The following NAB1 variants were observed in gnomAD, a reference collection of about 807,000 sequenced individuals.
The protein encoded by NAB1 is NGFI-A binding protein 1.
Under a neutral mutation model 49.9 loss-of-function variants are expected in NAB1, and 25 were observed. The ratio of observed to expected loss-of-function variants is 0.50; its 90% CI spans 0.37 to 0.70. The LOEUF is 0.70. NAB1 is among the 30% of genes least tolerant of loss of function. The pLI, the probability that NAB1 is intolerant of heterozygous loss-of-function variation, is 0.00. For synonymous variants in NAB1, 198 were observed against 215.6 expected (o/e 0.92, Z 0.71); for missense variants, 489 against 575.9 (o/e 0.85, Z 1.54).
At chr2:190,653,700 A>G (rs1260635126) in intron 2 of NAB1, 1 of 152,224 alleles carries the variant, frequency 6.6e-6, no homozygotes, top group Non-Finnish European at 1.5e-5. Flanking sequence ...ATATTTGATG[A>G]TAACTTACAC....
In NAB1 at chr2:190,677,878, G is replaced by GA. The variant is rs377097018; in HGVS notation, c.1005+4733dup. On this transcript the variant is annotated intron_variant, in intron 6 of 9. Transcript: ENST00000337386. The surrounding 1 kb of genome is among the most constrained non-coding windows in gnomAD (Gnocchi z 5.6). ...ATTATTCACAAAGCATCTTACCTGT[G>GA]AAAAAAACACTATTGGGGTTATACC... Among the ~76,000 whole-genome samples, 4 of 152,032 alleles carry GA rather than the reference G, an allele frequency of 2.6e-5. No individual in the cohort carries two copies. The highest frequency in any genetic ancestry group is 9.7e-5 in the African/African-American group (4 of 41,388).
intron 4 of NAB1, among the ~76,000 whole-genome samples, chr2:190,662,085 G>C (rs145918623): frequency 6.9e-4 from 105 of 152,212 alleles, no homozygotes; most frequent in African/African-American, 2.4e-3. Context: ...TTCCACATAA[G>C]GAATACATGA....
rs200990302 is a variant in NAB1, at chr2:190,673,108, T to C, written c.961T>C (p.Cys321Arg). The change falls in exon 6 of 10, where the codon TGT becomes CGT. Residue 321 changes from cysteine (C) to arginine (R), a missense_variant. By Grantham distance (180) the Cys-to-Arg change is radical. Around this residue, in one of 4 missense-constraint regions of NAB1, gnomAD observed 212 missense variants for 199.3 expected, o/e 1.06. Transcript: ENST00000337386. Reference sequence around the variant, plus strand: ...CTCTCCCCTTTCCCTTAGGTCAAAATGTGGAGAAAGAGATGAATTATCCCC... The same window carrying C: ...CTCTCCCCTTTCCCTTAGGTCAAAACGTGGAGAAAGAGATGAATTATCCCC... ...KYTYRTTKSK[C>R]GERDELSPKR... 1.9e-5 allele frequency: 30 copies of C among 1,606,918 alleles called. No individual in the cohort carries two copies. In the East Asian group the frequency reaches 3.8e-4, roughly 20 times the overall value.
chr2:190,671,579 T>G (rs1426786927), intron 5 of NAB1, among the ~76,000 whole-genome samples: 1 of 152,068 alleles, frequency 6.6e-6, no homozygotes. Context: ...TTCTGAGTAC[T>G]TTATTTAAAT....
chr2:190,688,940 G>A (rs1019699497), intron 9 of NAB1, among the ~76,000 whole-genome samples: 34 of 151,764 alleles, frequency 2.2e-4, no homozygotes, highest in Admixed American at 1.4e-3. Flanking sequence ...CCGGGTTTAC[G>A]CCATTCTCCT....
In NAB1 at chr2:190,689,940, T is replaced by C. The variant is rs934896086; in HGVS notation, c.1376-305T>C. Reference sequence around the variant, plus strand: ...TAACTTTCGTGCCACTTTATGTAGATACTATTCCTATTTTATAAATGAAGA... The same window carrying C: ...TAACTTTCGTGCCACTTTATGTAGACACTATTCCTATTTTATAAATGAAGA... On this transcript the variant is annotated intron_variant, in intron 9 of 9. Transcript: ENST00000337386. This position sits in a 1 kb window ranked among gnomAD's most constrained non-coding sequence, Gnocchi z 4.3. 8.4e-6 allele frequency among the ~76,000 whole-genome samples: 1 copy of C among 118,842 alleles called. No individual in the cohort carries two copies. Among genetic ancestry groups the C allele is most frequent in the Non-Finnish European group, 1.8e-5 (1 of 56,444 alleles). 78.0% of individuals were successfully genotyped at this position (118,842 alleles called of 152,430 possible).
rs911430982 is a variant in NAB1, at chr2:190,651,478, A to G, written c.-197+1496A>G. Among the ~76,000 whole-genome samples the G allele has an allele frequency of 2.6e-5, 4 of 152,194 alleles. No homozygotes were observed. The highest frequency in any genetic ancestry group is 5.9e-5 in the Non-Finnish European group (4 of 68,026). On this transcript the variant is annotated intron_variant, in intron 2 of 9. Transcript: ENST00000337386. The surrounding 1 kb of genome is among the most constrained non-coding windows in gnomAD (Gnocchi z 4.3). ...AAGAAGAAATTATAAACTGGGGGAC[A>G]TCTTTGATGAATTTGTTAATGAACT...
Position 190,685,541 on chromosome 2 carries a change from G to C in NAB1, c.1161G>C (p.Leu387=). The stretch of plus-strand genomic sequence containing the variant: ...GCAACCAAGCTGGCTATGAGAGACT[G>C]CAGCATGCCGAGAGGAGGTTGTCTG... ...FLCNQAGYER[L]QHAERRLSAG... is the part of the protein sequence containing the mutation. Residue 387 remains leucine (L), a synonymous_variant, in exon 8 of 10, where the codon CTG becomes CTC. Transcript: ENST00000337386. The surrounding 1 kb of genome is among the most constrained non-coding windows in gnomAD (Gnocchi z 4.5). 6.2e-7 allele frequency: 1 copy of C among 1,614,072 alleles called. No individual in the cohort carries two copies. Among genetic ancestry groups the C allele is most frequent in the African/African-American group, 1.3e-5 (1 of 75,064 alleles).
In NAB1 at chr2:190,657,375, G is replaced by C. The variant is rs1230357235; in HGVS notation, c.-20+1222G>C. On this transcript the variant is annotated intron_variant, in intron 3 of 9. Coordinates refer to ENST00000337386, the MANE Select transcript of NAB1 (RefSeq NM_005966.4). This position sits in a 1 kb window ranked among gnomAD's most constrained non-coding sequence, Gnocchi z 4.4. ...CTAAAGAATTACCTGGGTCATCACA[G>C]TACCTGTAGGAGTTTGTGGTGCCCG... Among the ~76,000 whole-genome samples, 3 of 152,200 alleles carry C rather than the reference G, an allele frequency of 2.0e-5. No individual in the cohort carries two copies. Among genetic ancestry groups the C allele is most frequent in the Non-Finnish European group, 4.4e-5 (3 of 68,020 alleles).
rs1695908233 is a variant in NAB1, at chr2:190,690,748, G to A, written c.*415G>A. On this transcript the variant is annotated 3_prime_UTR_variant, in exon 10 of 10. Coordinates refer to ENST00000337386, the MANE Select transcript of NAB1 (RefSeq NM_005966.4). ...TGAAATTTTGTTGTCTACTTTGTGT[G>A]TTTAACGTAAATATATGTCAGAGTT... 1 of 154,712 alleles carries A rather than the reference G, an allele frequency of 6.5e-6. No homozygotes were observed. The highest frequency in any genetic ancestry group is 6.4e-5 in the Admixed American group (1 of 15,552). 9.6% of individuals were successfully genotyped at this position (154,712 alleles called of 1,614,324 possible).
intron 4 of NAB1, among the ~76,000 whole-genome samples, chr2:190,668,574 T>C (rs4853726): frequency 0.19 from 29,026 of 152,018 alleles, 3,299 homozygotes; most frequent in East Asian, 0.41. Context: ...CATATGTAAC[T>C]GAAAAAAGTA....
At position 190,676,736 on chromosome 2, in the gene NAB1, CA is replaced by C. The variant is rs1430587750; in HGVS notation, c.1005+3585del. Among the ~76,000 whole-genome samples the C allele has an allele frequency of 6.6e-6, 1 of 152,126 alleles. No individual in the cohort carries two copies. Among genetic ancestry groups the C allele is most frequent in the Non-Finnish European group, 1.5e-5 (1 of 68,030 alleles). On this transcript the variant is annotated intron_variant, in intron 6 of 9. Transcript: ENST00000337386. This position sits in a 1 kb window ranked among gnomAD's most constrained non-coding sequence, Gnocchi z 4.6. ...CGTACAAATAAACTTAAGCTTAGCC[CA>C]TTTTATAGTGTAACAGATTTCTAAT...
In NAB1 at chr2:190,689,529, G is replaced by C. The variant is rs1298815493; in HGVS notation, c.1376-716G>C. On this transcript the variant is annotated intron_variant, in intron 9 of 9. Transcript: ENST00000337386. This position sits in a 1 kb window ranked among gnomAD's most constrained non-coding sequence, Gnocchi z 4.3. ...GTGAGTGTATGTGATGTGGATGTTT[G>C]CATGTATATGTGTGTGTACATATCT... Among the ~76,000 whole-genome samples the C allele has an allele frequency of 1.3e-5, 2 of 152,124 alleles. No homozygotes were observed. The highest frequency in any genetic ancestry group is 3.9e-4 in the East Asian group (2 of 5,194).
At chr2:190,662,570 C>A (rs1694282638) in intron 4 of NAB1, among the ~76,000 whole-genome samples, 1 of 152,030 alleles carries the variant, frequency 6.6e-6, no homozygotes, top group Non-Finnish European at 1.5e-5. Context: ...AGCCAGCAGG[C>A]AATGTTGCAT....
In NAB1 at chr2:190,682,473, T is replaced by G. The variant is rs1312448333; in HGVS notation, c.1006-1265T>G. ...GAAATCGCAAGCCAACATGAAGGAA[T>G]CCTTGAGCAATTCAGGTTGGGATTA... On this transcript the variant is annotated intron_variant, in intron 6 of 9. Transcript: ENST00000337386. The surrounding 1 kb of genome is among the most constrained non-coding windows in gnomAD (Gnocchi z 4.1). 1.3e-5 allele frequency among the ~76,000 whole-genome samples: 2 copies of G among 152,210 alleles called. No individual in the cohort carries two copies. Among genetic ancestry groups the G allele is most frequent in the Non-Finnish European group, 2.9e-5 (2 of 68,042 alleles).
chr2:190,686,269 A>G lies in NAB1; in HGVS notation c.1258+631A>G, dbSNP rs1428130412. ...GGCACTGAAGATGCAGCAGGGAACA[A>G]ATCCCTGTTTACCTGGAGCTTACAT... On this transcript the variant is annotated intron_variant, in intron 8 of 9. Coordinates refer to ENST00000337386, the MANE Select transcript of NAB1 (RefSeq NM_005966.4). This position sits in a 1 kb window ranked among gnomAD's most constrained non-coding sequence, Gnocchi z 5.5. 3.3e-5 allele frequency among the ~76,000 whole-genome samples: 5 copies of G among 152,222 alleles called. No individual in the cohort carries two copies. Among genetic ancestry groups the G allele is most frequent in the African/African-American group, 1.2e-4 (5 of 41,460 alleles).
At position 190,677,534 on chromosome 2, in the gene NAB1, ATT is replaced by A. The variant is rs1371915620; in HGVS notation, c.1005+4385_1005+4386del. On this transcript the variant is annotated intron_variant, in intron 6 of 9. Transcript: ENST00000337386. The surrounding 1 kb of genome is among the most constrained non-coding windows in gnomAD (Gnocchi z 5.6). ...CCACTTTCAGCTGAAATGAAAATAGATTTTGTTTATTCTTACTTATCTTTTGA... is the reference window on the plus strand; with the variant it reads ...CCACTTTCAGCTGAAATGAAAATAGATTGTTTATTCTTACTTATCTTTTGA... 1 of 152,200 alleles carries A rather than the reference ATT, an allele frequency of 6.6e-6. No homozygotes were observed. The highest frequency in any genetic ancestry group is 1.9e-4 in the East Asian group (1 of 5,202). The allele number at this position is 152,200 out of a possible 1,614,324, so 9.4% of individuals were successfully genotyped here. A position where few individuals can be genotyped will look rare whatever the true frequency, so the allele number is the denominator to read the frequency against.
rs1694995135 is a variant in NAB1, at chr2:190,674,867, A to G, written c.1005+1715A>G. Among the ~76,000 whole-genome samples the G allele has an allele frequency of 6.6e-6, 1 of 152,224 alleles. No homozygotes were observed. The highest frequency in any genetic ancestry group is 6.5e-5 in the Admixed American group (1 of 15,292). ...GGAGGTCGAGACCAGCCTGGGCAAC[A>G]TGGGGAGACCCTGTCTCTACCCCCA... On this transcript the variant is annotated intron_variant, in intron 6 of 9. Coordinates refer to ENST00000337386, the MANE Select transcript of NAB1 (RefSeq NM_005966.4). The surrounding 1 kb of genome is among the most constrained non-coding windows in gnomAD (Gnocchi z 5.7).
At chr2:190,687,177 A>G in intron 8 of NAB1, 24 bp from the exon 9 acceptor site, 2 of 1,436,448 alleles carry the variant, frequency 1.4e-6, no homozygotes, top group Non-Finnish European at 1.9e-6. Flanking sequence ...AATATTATGC[A>G]TATTTCTTTT....
Sources: gnomAD v4.1 joint callset for allele counts (sites outside exome capture counted in the v4.1 genomes callset) on GRCh38, gnomAD v4.1.1 for gene constraint, gnomAD v4.1.1 regional missense constraint, Gnocchi (gnomAD v3.1) non-coding constraint, MANE v1.5 for transcripts, NCBI Gene and HGNC (gene_info 2026-07-23, HGNC 2026-07-21) for gene names.